Variants in CACNA1E observed in about 807,000 individuals in gnomAD.
The protein encoded by CACNA1E is calcium voltage-gated channel subunit alpha1 E.
A neutral mutation model predicts 259.2 loss-of-function variants in CACNA1E; 40 were observed. The observed-to-expected ratio is 0.15, with a 90% CI of 0.12 to 0.20. The LOEUF is 0.20. Ranked by LOEUF, CACNA1E falls within the 10% of genes least tolerant of loss-of-function variation. The pLI, the probability that CACNA1E is intolerant of heterozygous loss-of-function variation, is 1.00. For missense variants in CACNA1E, 1,874 were observed against 3,040.1 expected, an observed-to-expected ratio of 0.62 and a Z score of 9.02; for synonymous variants, 1,104 against 1,138.5, an observed-to-expected ratio of 0.97 and a Z score of 0.61.
chr1:181,440,082 A>G (rs1329218711), intron 2 of CACNA1E, among the ~76,000 whole-genome samples: 1 of 152,222 alleles, frequency 6.6e-6, no homozygotes, highest in Non-Finnish European at 1.5e-5. Flanking sequence ...TTTCGTGTCA[A>G]TTATCTCAGT....
At chr1:181,609,467 G>T (rs879654441) in intron 6 of CACNA1E, among the ~76,000 whole-genome samples, 2 of 152,088 alleles carry the variant, frequency 1.3e-5, no homozygotes, top group African/African-American at 2.4e-5. Flanking sequence ...TTAAACAGAA[G>T]AACAGCCAAG....
chr1:181,381,984 G>A (rs1037829051), intron 1 of CACNA1E, among the ~76,000 whole-genome samples: 1 of 152,198 alleles, frequency 6.6e-6, no homozygotes, highest in Non-Finnish European at 1.5e-5. Context: ...TGAGCATGGA[G>A]GTGAGAGCAG....
intron 1 of CACNA1E, among the ~76,000 whole-genome samples, chr1:181,341,973 C>T (rs1454032085): frequency 6.6e-6 from 1 of 152,174 alleles, no homozygotes; most frequent in Non-Finnish European, 1.5e-5. Flanking sequence ...ACGCTTCCCA[C>T]AGTGACAAGT....
At chr1:181,716,772 T>G (rs1330129650) in intron 10 of CACNA1E, among the ~76,000 whole-genome samples, 1 of 152,222 alleles carries the variant, frequency 6.6e-6, no homozygotes, top group Non-Finnish European at 1.5e-5. Flanking sequence ...AGAATTCCAG[T>G]GCTTGAAGCT....
chr1:181,363,355 A>G (rs182165245), intron 1 of CACNA1E, among the ~76,000 whole-genome samples: 1 of 152,370 alleles, frequency 6.6e-6, no homozygotes, highest in Admixed American at 6.5e-5. Context: ...CCTAGCCAGC[A>G]TGGCTAAGGA....
intron 2 of CACNA1E, among the ~76,000 whole-genome samples, chr1:181,442,774 A>G (rs1171486837): frequency 2.0e-5 from 3 of 152,064 alleles, no homozygotes; most frequent in Admixed American, 6.5e-5. Context: ...TCTTCCTTCC[A>G]TTCCCCAGAA....
chr1:181,519,100 G>A (rs974069907), intron 3 of CACNA1E, among the ~76,000 whole-genome samples: 4 of 152,208 alleles, frequency 2.6e-5, no homozygotes, highest in Non-Finnish European at 5.9e-5. Flanking sequence ...GCTTGTGCAT[G>A]AGTGTATGTG....
At chr1:181,548,388 A>AG (rs1307990693) in intron 3 of CACNA1E, among the ~76,000 whole-genome samples, 8 of 152,118 alleles carry the variant, frequency 5.3e-5, no homozygotes, top group African/African-American at 1.9e-4. Flanking sequence ...GGCCTCCCAA[A>AG]GTGCTGGGAT....
intron 1 of CACNA1E, among the ~76,000 whole-genome samples, chr1:181,502,104 G>T (rs780227575): frequency 4.6e-5 from 7 of 152,012 alleles, no homozygotes; most frequent in Non-Finnish European, 8.8e-5. Context: ...GGGATGGGAG[G>T]GGTATGCAGG....
At chr1:181,396,886 C>T (rs1347226006) in intron 1 of CACNA1E, among the ~76,000 whole-genome samples, 1 of 152,182 alleles carries the variant, frequency 6.6e-6, no homozygotes, top group African/African-American at 2.4e-5. Context: ...CCATTAACTA[C>T]TTCTTCTTCT....
chr1:181,773,652 A>G (rs757848972), intron 37 of CACNA1E, among the ~76,000 whole-genome samples: 1 of 152,230 alleles, frequency 6.6e-6, no homozygotes, highest in Non-Finnish European at 1.5e-5. Context: ...AGCAAGGCCC[A>G]TCCCTCAGTC....
At chr1:181,389,014 A>T (rs749812713) in intron 1 of CACNA1E, among the ~76,000 whole-genome samples, 2 of 152,234 alleles carry the variant, frequency 1.3e-5, no homozygotes, top group Admixed American at 1.3e-4. Context: ...GCTTCTGCTT[A>T]CAACATTTTC....
intron 25 of CACNA1E, among the ~76,000 whole-genome samples, chr1:181,743,415 C>A (rs1345868590): frequency 6.6e-6 from 1 of 152,236 alleles, no homozygotes; most frequent in Non-Finnish European, 1.5e-5. Context: ...CAGACTCCTG[C>A]ATGGAAGGCA....
chr1:181,513,526 A>G (rs1558074427), intron 3 of CACNA1E, among the ~76,000 whole-genome samples: 1 of 152,194 alleles, frequency 6.6e-6, no homozygotes, highest in Non-Finnish European at 1.5e-5. Flanking sequence ...TGGATATCAC[A>G]TTTTATGAGA....
chr1:181,687,269 G>T (rs1472475548), intron 7 of CACNA1E, among the ~76,000 whole-genome samples: 1 of 152,150 alleles, frequency 6.6e-6, no homozygotes, highest in East Asian at 1.9e-4. Flanking sequence ...TTTCTGTCCT[G>T]CCTTTTAATG....
chr1:181,401,399 A>G (rs1319804432), intron 1 of CACNA1E, among the ~76,000 whole-genome samples: 1 of 152,168 alleles, frequency 6.6e-6, no homozygotes, highest in Non-Finnish European at 1.5e-5. Context: ...CTTGAGCACA[A>G]ATCAAGGTTC....
intron 7 of CACNA1E, among the ~76,000 whole-genome samples, chr1:181,687,488 T>G (rs1650700228): frequency 6.6e-6 from 1 of 152,176 alleles, no homozygotes; most frequent in South Asian, 2.1e-4. Context: ...GAAGAAGGCA[T>G]GCCTAAGTTT....
intron 7 of CACNA1E, among the ~76,000 whole-genome samples, chr1:181,669,270 T>A (rs1378438366): frequency 6.6e-6 from 1 of 152,212 alleles, no homozygotes; most frequent in Non-Finnish European, 1.5e-5. Flanking sequence ...TCCAAATTAA[T>A]GTTCTTTGTT....
At chr1:181,327,104 G>A (rs1650855577) in intron 1 of CACNA1E, among the ~76,000 whole-genome samples, 1 of 152,194 alleles carries the variant, frequency 6.6e-6, no homozygotes, top group Non-Finnish European at 1.5e-5. Context: ...CCTTGATGGC[G>A]AGGATTGTGT....
Sources: gnomAD v4.1 joint callset for allele counts (sites outside exome capture counted in the v4.1 genomes callset) on GRCh38, gnomAD v4.1.1 for gene constraint, MANE v1.5 for transcripts, NCBI Gene and HGNC (gene_info 2026-07-23, HGNC 2026-07-21) for gene names.